EEIG1: variants seen among roughly 807,000 people sequenced by gnomAD.
EEIG1 encodes the protein estrogen-induced osteoclastogenesis regulator 1, also known as early estrogen-induced gene 1 protein.
the EEIG1 span, among the ~76,000 whole-genome samples, chr9:127,952,715 T>C: frequency 1.3e-5 from 2 of 152,130 alleles, no homozygotes; most frequent in Non-Finnish European, 2.9e-5. Context: ...AATCTGTTTA[T>C]TTATTTATTT....
the EEIG1 span, among the ~76,000 whole-genome samples, chr9:127,971,052 T>C: frequency 5.9e-5 from 9 of 152,178 alleles, no homozygotes; most frequent in African/African-American, 2.2e-4. Flanking sequence ...GAGCCACAGG[T>C]ATGCTGCCCC....
the EEIG1 span, among the ~76,000 whole-genome samples, chr9:127,972,297 C>T: frequency 6.6e-6 from 1 of 152,136 alleles, no homozygotes; most frequent in Non-Finnish European, 1.5e-5. The surrounding 1 kb of genome is among the most constrained non-coding windows in gnomAD (Gnocchi z 4.3). Flanking sequence ...GTGTGCTCCT[C>T]ACTCACCCCC....
chr9:127,943,229 G>A, the EEIG1 span: 1 of 1,614,182 alleles, frequency 6.2e-7, no homozygotes, highest in Non-Finnish European at 8.5e-7. Context: ...GTAGACCCCA[G>A]AAGAGACCCT....
At chr9:127,964,168 C>G in the EEIG1 span, among the ~76,000 whole-genome samples, 6 of 152,278 alleles carry the variant, frequency 3.9e-5, no homozygotes, top group African/African-American at 1.4e-4. Context: ...TGGTGAGCCT[C>G]AACTTCCTCA....
chr9:127,943,103 G>A, the EEIG1 span: 2 of 1,219,560 alleles, frequency 1.6e-6, no homozygotes, highest in South Asian at 1.2e-5. Flanking sequence ...TGGCGCAGAG[G>A]TGATCTGAAG....
chr9:127,967,275 T>C, the EEIG1 span, among the ~76,000 whole-genome samples: 1 of 152,124 alleles, frequency 6.6e-6, no homozygotes, highest in East Asian at 1.9e-4. Flanking sequence ...CTCCATCTCC[T>C]GAACACTTGC....
At chr9:127,949,016 C>G in the EEIG1 span, among the ~76,000 whole-genome samples, 1 of 152,110 alleles carries the variant, frequency 6.6e-6, no homozygotes, top group Non-Finnish European at 1.5e-5. Flanking sequence ...AAAGGGTGAC[C>G]ACTCCGTTGA....
chr9:127,956,313 C>T, the EEIG1 span, among the ~76,000 whole-genome samples: 2 of 152,138 alleles, frequency 1.3e-5, no homozygotes, highest in African/African-American at 4.8e-5. Context: ...AAGAAAAATA[C>T]CTAGTAGTGG....
the EEIG1 span, chr9:127,945,017 C>T: frequency 7.4e-6 from 9 of 1,217,292 alleles, no homozygotes; most frequent in East Asian, 4.8e-5. This position sits in a 1 kb window ranked among gnomAD's most constrained non-coding sequence, Gnocchi z 6.5. Flanking sequence ...CTGTGCGCTC[C>T]GTGCTGTACT....
chr9:127,950,907 G>C, the EEIG1 span, among the ~76,000 whole-genome samples: 1 of 152,254 alleles, frequency 6.6e-6, no homozygotes. Flanking sequence ...GCAGGCAGGG[G>C]AGGAGGGAAG....
the EEIG1 span, chr9:127,943,247 A>G: frequency 6.2e-7 from 1 of 1,614,052 alleles, no homozygotes; most frequent in Non-Finnish European, 8.5e-7. Flanking sequence ...CCTGCAGGTG[A>G]GAGACAGGTC....
the EEIG1 span, among the ~76,000 whole-genome samples, chr9:127,962,704 C>A: frequency 2.6e-5 from 4 of 152,102 alleles, no homozygotes; most frequent in African/African-American, 9.7e-5. Context: ...AAAATGAGCA[C>A]CTATGAAGAA....
chr9:127,974,749 A>T, the EEIG1 span, among the ~76,000 whole-genome samples: 1 of 152,146 alleles, frequency 6.6e-6, no homozygotes, highest in African/African-American at 2.4e-5. Context: ...GCCCCCACCT[A>T]GCTGGCAGCT....
chr9:127,953,760 G>A, the EEIG1 span: 15 of 1,613,650 alleles, frequency 9.3e-6, no homozygotes, highest in Non-Finnish European at 1.3e-5. Context: ...GAGGGGAGGG[G>A]CCTATAGCCC....
At chr9:127,942,816 C>A in the EEIG1 span, 1 of 290,598 alleles carries the variant, frequency 3.4e-6, no homozygotes, top group Non-Finnish European at 6.7e-6. Flanking sequence ...CCCCCTCAGC[C>A]ACAGGCATCT....
At chr9:127,944,750 C>T in the EEIG1 span, 50 of 1,611,326 alleles carry the variant, frequency 3.1e-5, 1 homozygote, top group South Asian at 4.6e-4. Flanking sequence ...CAGGTGGCCT[C>T]GCCCCCACCA....
At chr9:127,978,818 C>G in the EEIG1 span, among the ~76,000 whole-genome samples, 1 of 151,980 alleles carries the variant, frequency 6.6e-6, no homozygotes, top group African/African-American at 2.4e-5. Context: ...GCCTAGGCAA[C>G]AGAGTGAGAC....
At chr9:127,965,713 A>G in the EEIG1 span, among the ~76,000 whole-genome samples, 1 of 152,220 alleles carries the variant, frequency 6.6e-6, no homozygotes, top group African/African-American at 2.4e-5. Context: ...GCGAGAGTCT[A>G]ATAAGGAAAC....
chr9:127,945,699 G>A, the EEIG1 span: 1 of 1,592,936 alleles, frequency 6.3e-7, no homozygotes, highest in South Asian at 1.1e-5. This position sits in a 1 kb window ranked among gnomAD's most constrained non-coding sequence, Gnocchi z 6.5. Context: ...GGAGTGGCCA[G>A]AGTGGAACAC....
Sources: gnomAD v4.1 joint callset for allele counts (sites outside exome capture counted in the v4.1 genomes callset) on GRCh38, gnomAD v4.1.1 for gene constraint, Gnocchi (gnomAD v3.1) non-coding constraint, MANE v1.5 for transcripts, NCBI Gene and HGNC (gene_info 2026-07-23, HGNC 2026-07-21) for gene names.